COL26A1: variants seen among roughly 807,000 people sequenced by gnomAD.
COL26A1 encodes the protein collagen alpha-1(XXVI) chain.
A neutral mutation model predicts 59.3 loss-of-function variants in COL26A1; 41 were observed. The ratio of observed to expected loss-of-function variants is 0.69; its 90% CI spans 0.54 to 0.90. The LOEUF (loss-of-function observed/expected upper bound fraction) is 0.90. Among genes scored for constraint, COL26A1 ranks in the 40% least tolerant of loss-of-function variants. The probability of loss-of-function intolerance (pLI) is 0.00; values close to 1 mark genes in which losing one functional copy is unlikely to be tolerated. For missense variants in COL26A1, 612 were observed against 602.3 expected (o/e 1.02, Z -0.17); for synonymous variants, 266 against 256.0 (o/e 1.04, Z -0.37).
chr7:101,449,510 T>C (rs961705703), intron 3 of COL26A1, among the ~76,000 whole-genome samples: 1 of 152,368 alleles, frequency 6.6e-6, no homozygotes, highest in Middle Eastern at 3.4e-3. Flanking sequence ...GGCTTATGAC[T>C]GTAATCCCAG....
intron 3 of COL26A1, among the ~76,000 whole-genome samples, chr7:101,452,288 G>A (rs1793358633): frequency 1.3e-5 from 2 of 152,134 alleles, no homozygotes; most frequent in South Asian, 4.1e-4. Context: ...GACAGTCCCT[G>A]CTGACTGGGA....
intron 1 of COL26A1, among the ~76,000 whole-genome samples, chr7:101,380,264 A>T (rs548145703): frequency 2.7e-5 from 4 of 148,282 alleles, no homozygotes; most frequent in Non-Finnish European, 4.4e-5. Context: ...TGCTGGGATT[A>T]CAGGCGTAAG....
intron 1 of COL26A1, among the ~76,000 whole-genome samples, chr7:101,378,296 G>A (rs577835790): frequency 1.2e-4 from 18 of 152,220 alleles, no homozygotes; most frequent in African/African-American, 3.9e-4. Context: ...TTTCTCCATA[G>A]GCTGTGAGGC....
intron 1 of COL26A1, among the ~76,000 whole-genome samples, chr7:101,401,537 G>A (rs1164730811): frequency 1.3e-4 from 19 of 149,618 alleles, no homozygotes; most frequent in African/African-American, 4.4e-4. Context: ...AGAGAAGGAG[G>A]AGGAAGAGGA....
chr7:101,416,372 T>C (rs1313630541), intron 1 of COL26A1, among the ~76,000 whole-genome samples: 1 of 143,718 alleles, frequency 7.0e-6, no homozygotes, highest in Non-Finnish European at 1.6e-5. Flanking sequence ...TGACCTCAAG[T>C]GATCCACCCA....
intron 2 of COL26A1, among the ~76,000 whole-genome samples, chr7:101,425,251 G>A (rs1156297463): frequency 2.0e-5 from 3 of 147,656 alleles, no homozygotes; most frequent in East Asian, 1.9e-4. Context: ...CAGGCGTGGT[G>A]GCGGGTGCCT....
chr7:101,486,126 T>C (rs1432544015), intron 3 of COL26A1, among the ~76,000 whole-genome samples: 1 of 151,520 alleles, frequency 6.6e-6, no homozygotes, highest in African/African-American at 2.4e-5. Context: ...TGAGCCAAGA[T>C]TGCAGCACTG....
chr7:101,448,079 C>T (rs554743116), intron 3 of COL26A1, among the ~76,000 whole-genome samples: 3 of 152,274 alleles, frequency 2.0e-5, no homozygotes, highest in Admixed American at 6.5e-5. Context: ...GATTTCTAGC[C>T]GGTTTCTTCC....
At chr7:101,379,289 C>A (rs972736876) in intron 1 of COL26A1, among the ~76,000 whole-genome samples, 6 of 152,104 alleles carry the variant, frequency 3.9e-5, no homozygotes, top group Non-Finnish European at 7.4e-5. Flanking sequence ...ACAATTAGAC[C>A]CTGAAACGCT....
At chr7:101,461,361 C>T (rs1328919110) in intron 3 of COL26A1, among the ~76,000 whole-genome samples, 3 of 151,222 alleles carry the variant, frequency 2.0e-5, no homozygotes, top group Non-Finnish European at 2.9e-5. Context: ...TGTAATGACA[C>T]GATCTCAGCT....
chr7:101,525,326 C>T (rs574707392), intron 3 of COL26A1, among the ~76,000 whole-genome samples: 7 of 145,860 alleles, frequency 4.8e-5, no homozygotes, highest in Non-Finnish European at 1.1e-4. Context: ...GGACTACAGG[C>T]GTGTGCCGCC....
At chr7:101,549,996 T>C (rs978985095) in intron 9 of COL26A1, among the ~76,000 whole-genome samples, 1 of 152,168 alleles carries the variant, frequency 6.6e-6, no homozygotes, top group African/African-American at 2.4e-5. Flanking sequence ...ACAAAGGCCC[T>C]GAGGCAGGGA....
intron 9 of COL26A1, among the ~76,000 whole-genome samples, chr7:101,549,652 G>T (rs1162817371): frequency 6.6e-6 from 1 of 152,206 alleles, no homozygotes; most frequent in East Asian, 1.9e-4. Context: ...AAAGTGCTGG[G>T]ATTACAGGTG....
intron 1 of COL26A1, among the ~76,000 whole-genome samples, chr7:101,369,374 T>A (rs576332302): frequency 6.8e-6 from 1 of 147,448 alleles, no homozygotes; most frequent in East Asian, 2.1e-4. Flanking sequence ...GTCACTGCAC[T>A]CCAGCCTGGG....
At position 101,489,683 on chromosome 7, in the gene COL26A1, TTC is replaced by T. The variant is rs1184601216; in HGVS notation, c.385+41898_385+41899del. On this transcript the variant is annotated intron_variant, in intron 3 of 12. Transcript: ENST00000313669. ...TTTCTTCCTTCCTTCCTTCCTTCCT[TTC>T]TTTCTTTCTTTCTGTCTTTCTTTCT... Among the ~76,000 whole-genome samples the T allele has an allele frequency of 4.0e-4, 8 of 20,068 alleles. 1 individual carries two copies. The highest frequency in any genetic ancestry group is 3.9e-3 in the African/African-American group (8 of 2,030). The allele number at this position is 20,068 out of a possible 152,430, so 13.2% of individuals were successfully genotyped here. A position where few individuals can be genotyped will look rare whatever the true frequency, so the allele number is the denominator to read the frequency against.
chr7:101,515,939 C>T (rs1795019681), intron 3 of COL26A1, among the ~76,000 whole-genome samples: 1 of 152,190 alleles, frequency 6.6e-6, no homozygotes, highest in African/African-American at 2.4e-5. Context: ...CCGTCCTTCA[C>T]TGTGGGGACA....
At chr7:101,374,027 T>C (rs1791252006) in intron 1 of COL26A1, among the ~76,000 whole-genome samples, 1 of 152,126 alleles carries the variant, frequency 6.6e-6, no homozygotes. Context: ...AGAGCAACAA[T>C]AACTAACTGT....
intron 3 of COL26A1, among the ~76,000 whole-genome samples, chr7:101,459,402 C>T (rs995243982): frequency 1.3e-5 from 2 of 151,886 alleles, no homozygotes; most frequent in Non-Finnish European, 2.9e-5. Context: ...TGGGCTGAAG[C>T]GATTCTCCTG....
In COL26A1 at chr7:101,430,817, C is replaced by T. The variant is rs766694392; in HGVS notation, c.281+10718C>T. On this transcript the variant is annotated intron_variant, in intron 2 of 12. Transcript: ENST00000313669. The stretch of plus-strand genomic sequence containing the variant: ...GCCTTTTATTTTATTTTATTTGAGA[C>T]GGAGTCTCGCTCTGTCACCCAGGCT... Among the ~76,000 whole-genome samples the T allele has an allele frequency of 7.9e-5, 12 of 151,778 alleles. No individual in the cohort carries two copies. The East Asian group carries it at 9.7e-4, about 12-fold the overall frequency.
Sources: allele counts gnomAD v4.1 joint callset (sites outside exome capture counted in the v4.1 genomes callset), GRCh38; gene constraint gnomAD v4.1.1; transcripts MANE v1.5; gene names NCBI Gene and HGNC (gene_info 2026-07-23, HGNC 2026-07-21).